The following NAALADL2 variants were observed in gnomAD, a reference collection of about 807,000 sequenced individuals.
NAALADL2 encodes the protein inactive N-acetylated-alpha-linked acidic dipeptidase-like protein 2.
In NAALADL2, 76 loss-of-function variants were observed where a neutral mutation model predicts 87.2. The observed-to-expected ratio is 0.87, with a 90% confidence interval of 0.72 to 1.05. The LOEUF (loss-of-function observed/expected upper bound fraction) is 1.05. Ranked by LOEUF, NAALADL2 falls within the 50% of genes least tolerant of loss-of-function variation. The probability of loss-of-function intolerance (pLI) is 0.00; values close to 1 mark genes in which losing one functional copy is unlikely to be tolerated. For missense variants in NAALADL2, 1,089 were observed against 945.8 expected (o/e 1.15, Z -1.99); for synonymous variants, 354 against 331.0 (o/e 1.07, Z -0.75).
intron 5 of NAALADL2, among the ~76,000 whole-genome samples, chr3:175,375,460 G>A (rs1039408929): frequency 6.6e-6 from 1 of 151,974 alleles, no homozygotes; most frequent in East Asian, 1.9e-4. Flanking sequence ...TCTTTAATTT[G>A]TTTTTCAGCA....
chr3:174,777,719 A>C (rs1368169716), intron 3 of NAALADL2, among the ~76,000 whole-genome samples: 1 of 152,132 alleles, frequency 6.6e-6, no homozygotes, highest in Non-Finnish European at 1.5e-5. Flanking sequence ...GAAATGAAAA[A>C]TATAGCCAAC....
intron 2 of NAALADL2, among the ~76,000 whole-genome samples, chr3:174,624,186 G>GA (rs11293936): frequency 4.6e-5 from 7 of 151,642 alleles, no homozygotes; most frequent in East Asian, 1.9e-4. Flanking sequence ...CTTATACACT[G>GA]AAAAAAAATG....
chr3:174,848,021 A>C (rs1165125189), intron 3 of NAALADL2, among the ~76,000 whole-genome samples: 1 of 135,944 alleles, frequency 7.4e-6, no homozygotes, highest in Non-Finnish European at 1.6e-5. Flanking sequence ...TTTTTTTTTT[A>C]CTTCTTTGCT....
intron 1 of NAALADL2, among the ~76,000 whole-genome samples, chr3:175,068,595 A>T (rs895273085): frequency 7.2e-5 from 11 of 152,242 alleles, no homozygotes; most frequent in Non-Finnish European, 1.3e-4. Flanking sequence ...ACTGAGGATG[A>T]GTGCAAAGTT....
At chr3:174,924,250 C>G (rs1180443905) in intron 1 of NAALADL2, among the ~76,000 whole-genome samples, 1 of 135,634 alleles carries the variant, frequency 7.4e-6, no homozygotes, top group African/African-American at 2.7e-5. Context: ...CGTGATGTCC[C>G]CCTTCCTGTG....
At chr3:175,266,991 A>G (rs1246404996) in intron 4 of NAALADL2, among the ~76,000 whole-genome samples, 1 of 151,618 alleles carries the variant, frequency 6.6e-6, no homozygotes, top group African/African-American at 2.4e-5. Flanking sequence ...GGTTTTATAA[A>G]TTTTAAAAGT....
intron 3 of NAALADL2, among the ~76,000 whole-genome samples, chr3:174,791,836 A>G (rs893020140): frequency 1.3e-5 from 2 of 152,164 alleles, no homozygotes; most frequent in Non-Finnish European, 2.9e-5. Flanking sequence ...AAAAATCATT[A>G]TTCTATTCAT....
At chr3:175,183,212 A>G (rs1736849379) in intron 2 of NAALADL2, among the ~76,000 whole-genome samples, 1 of 151,536 alleles carries the variant, frequency 6.6e-6, no homozygotes, top group African/African-American at 2.4e-5. Flanking sequence ...TTTTCATTAT[A>G]CTGATCTTTT....
chr3:174,588,669 G>T (rs1043176941), intron 2 of NAALADL2, among the ~76,000 whole-genome samples: 3 of 152,194 alleles, frequency 2.0e-5, no homozygotes, highest in African/African-American at 7.2e-5. Context: ...CTGGGTATCA[G>T]CAGCAGAGGC....
In NAALADL2 at chr3:175,646,771, T is replaced by C. The variant is rs534292998; in HGVS notation, c.1896+19385T>C. Among the ~76,000 whole-genome samples, 11 of 152,250 alleles carry C rather than the reference T, an allele frequency of 7.2e-5. No homozygotes were observed. In the South Asian group the frequency reaches 1.0e-3, roughly 14 times the overall value. ...TCAGTGGGTTTCAAGACTGACCACT[T>C]AATGAGGTGTGATATCTGATCTACC... On this transcript the variant is annotated intron_variant, in intron 11 of 13. Coordinates refer to ENST00000454872, the MANE Select transcript of NAALADL2 (RefSeq NM_207015.3).
chr3:175,621,667 T>G (rs1416189360), intron 10 of NAALADL2, among the ~76,000 whole-genome samples: 1 of 152,186 alleles, frequency 6.6e-6, no homozygotes, highest in African/African-American at 2.4e-5. Context: ...AGAAAAATAC[T>G]ATAAATAAAA....
intron 10 of NAALADL2, among the ~76,000 whole-genome samples, chr3:175,580,026 T>C (rs981737111): frequency 6.6e-6 from 1 of 152,174 alleles, no homozygotes; most frequent in Non-Finnish European, 1.5e-5. Context: ...TAATAGAGCA[T>C]TTAACATTTA....
intron 5 of NAALADL2, among the ~76,000 whole-genome samples, chr3:175,443,562 A>G (rs1471922597): frequency 6.6e-6 from 1 of 152,214 alleles, no homozygotes; most frequent in African/African-American, 2.4e-5. Context: ...AAGCATAACT[A>G]TATAGCAAGC....
At chr3:175,572,047 G>T (rs1718155629) in intron 9 of NAALADL2, among the ~76,000 whole-genome samples, 1 of 152,128 alleles carries the variant, frequency 6.6e-6, no homozygotes, top group South Asian at 2.1e-4. Flanking sequence ...TGGGGATGGG[G>T]TGGGGGAATG....
At chr3:174,728,151 G>A (rs1463958918) in intron 2 of NAALADL2, among the ~76,000 whole-genome samples, 4 of 151,820 alleles carry the variant, frequency 2.6e-5, no homozygotes, top group Admixed American at 2.6e-4. Context: ...CCAGGTTTTG[G>A]CAATTATTAA....
At chr3:174,978,290 G>A (rs1471684057) in intron 1 of NAALADL2, among the ~76,000 whole-genome samples, 1 of 152,170 alleles carries the variant, frequency 6.6e-6, no homozygotes, top group Non-Finnish European at 1.5e-5. Context: ...GTGTACATAT[G>A]ATTTTAAGTT....
chr3:174,690,206 GAACAA>G (rs1381143633), intron 2 of NAALADL2, among the ~76,000 whole-genome samples: 1 of 152,094 alleles, frequency 6.6e-6, no homozygotes, highest in African/African-American at 2.4e-5. Context: ...AGAAAATGGT[GAACAA>G]AACTATAAGC....
chr3:175,356,576 AAATAATAAT>A (rs377522672), intron 5 of NAALADL2, among the ~76,000 whole-genome samples: 29 of 131,732 alleles, frequency 2.2e-4, no homozygotes, highest in South Asian at 2.4e-4. Context: ...CCCTGTGTCA[AAATAATAAT>A]AATAATAATA....
intron 2 of NAALADL2, among the ~76,000 whole-genome samples, chr3:175,161,164 A>C (rs1444786305): frequency 1.3e-5 from 2 of 152,106 alleles, no homozygotes; most frequent in African/African-American, 2.4e-5. Context: ...CATGGCTTTT[A>C]CAGTAATGAT....
Sources: gnomAD v4.1 joint callset for allele counts (sites outside exome capture counted in the v4.1 genomes callset) on GRCh38, gnomAD v4.1.1 for gene constraint, MANE v1.5 for transcripts, NCBI Gene and HGNC (gene_info 2026-07-23, HGNC 2026-07-21) for gene names.